Variants in NHSL2 observed in about 807,000 individuals in gnomAD.
NHSL2 encodes the protein NHS-like protein 2.
A neutral mutation model predicts 53.4 loss-of-function variants in NHSL2; 27 were observed. The ratio of observed to expected loss-of-function variants is 0.51; its 90% CI spans 0.37 to 0.70. NHSL2 has a LOEUF of 0.70. NHSL2 is among the 30% of genes least tolerant of loss of function. The pLI is 0.00. For missense variants in NHSL2, 892 were observed against 980.1 expected (o/e 0.91, Z 1.20); for synonymous variants, 408 against 404.1 (o/e 1.01, Z -0.12).
intron 1 of NHSL2, among the ~76,000 whole-genome samples, chrX:72,124,876 TCTTCCTTCCTTC>T (rs747463052): frequency 1.8e-5 from 2 of 111,247 alleles, no homozygotes; most frequent in Non-Finnish European, 3.8e-5. Flanking sequence ...CCTTCTACTG[TCTTCCTTCCTTC>T]CTTCCTTCCT....
intron 1 of NHSL2, among the ~76,000 whole-genome samples, chrX:71,913,844 G>A (rs1176448382): frequency 5.3e-5 from 6 of 112,312 alleles, no homozygotes; most frequent in African/African-American, 1.9e-4. Flanking sequence ...AGGACAGAGA[G>A]AGGAGGAGCG....
intron 1 of NHSL2, among the ~76,000 whole-genome samples, chrX:72,099,169 A>G (rs2041970137): frequency 9.0e-6 from 1 of 111,723 alleles, no homozygotes; most frequent in East Asian, 2.8e-4. Flanking sequence ...TAGAAATATA[A>G]TGTGGGCCAC....
intron 1 of NHSL2, among the ~76,000 whole-genome samples, chrX:72,024,314 C>T (rs939680192): frequency 1.8e-5 from 2 of 111,752 alleles, no homozygotes; most frequent in African/African-American, 6.5e-5. Context: ...ACTGAGGCTA[C>T]AAATGGGGCT....
intron 1 of NHSL2, among the ~76,000 whole-genome samples, chrX:72,009,939 T>C (rs1326102201): frequency 8.9e-6 from 1 of 112,971 alleles, no homozygotes; most frequent in East Asian, 2.8e-4. Context: ...GGTTACCAGT[T>C]GTTACTCATT....
rs1216497981 is a variant in NHSL2 at position 72,098,942 on chromosome X, A to G, written c.281-33137A>G. 2.7e-5 allele frequency among the ~76,000 whole-genome samples: 3 copies of G among 112,199 alleles called. No homozygotes were observed. In the East Asian group the frequency reaches 8.4e-4, roughly 31 times the overall value. Reference sequence around the variant, plus strand: ...AGCATCTGTGTGCTTTTGATACACAAATGAGATCATACAATACATACTGGC... The same window carrying G: ...AGCATCTGTGTGCTTTTGATACACAGATGAGATCATACAATACATACTGGC... On this transcript the variant is annotated intron_variant, in intron 1 of 7. Transcript: ENST00000633930.
chrX:72,059,088 A>G (rs1202642501), intron 1 of NHSL2, among the ~76,000 whole-genome samples: 1 of 110,910 alleles, frequency 9.0e-6, no homozygotes, highest in Non-Finnish European at 1.9e-5. Flanking sequence ...CCCTCTAGAC[A>G]CACAAACTGT....
chrX:72,140,018 A>G lies in NHSL2; in HGVS notation c.2470A>G (p.Thr824Ala). ...CAACCAGCCAATCATGCCTATGGTT[A>G]CTCAGTCCGACCTACGTTCTGTTCG... ...NPNQPIMPMV[T>A]QSDLRSVRLR... The change falls in exon 6 of 8, where the codon ACT (threonine) becomes GCT (alanine). Residue 824 changes from threonine to alanine, a missense_variant. Coordinates refer to ENST00000633930, the MANE Select transcript of NHSL2 (RefSeq NM_001013627.3). The G allele has an allele frequency of 8.3e-7, 1 of 1,209,933 alleles. No individual in the cohort carries two copies. The highest frequency in any genetic ancestry group is 1.1e-6 in the Non-Finnish European group (1 of 894,551).
chrX:72,152,096 C>G lies in NHSL2; in HGVS notation c.*8522C>G, dbSNP rs914166775. On this transcript the variant is annotated 3_prime_UTR_variant, in exon 8 of 8. Coordinates refer to ENST00000633930, the MANE Select transcript of NHSL2 (RefSeq NM_001013627.3). ...ACACAGCCACAAGACATTCAGCACA[C>G]CACCTCCTCCTGTGTTTTGAATCTC... 1 of 112,798 alleles carries G rather than the reference C, an allele frequency of 8.9e-6. No individual in the cohort carries two copies. Among genetic ancestry groups the G allele is most frequent in the Non-Finnish European group, 1.9e-5 (1 of 53,348 alleles). 9.3% of individuals were successfully genotyped at this position (112,798 alleles called of 1,213,427 possible).
chrX:72,045,357 T>G, intron 1 of NHSL2, among the ~76,000 whole-genome samples: 1 of 112,054 alleles, frequency 8.9e-6, no homozygotes, highest in Non-Finnish European at 1.9e-5. Context: ...CCAGCGTGGC[T>G]CCCCAGCTGC....
rs141516240 is a variant in NHSL2, at chrX:71,976,761, A to G, written c.280+65394A>G. On this transcript the variant is annotated intron_variant, in intron 1 of 7. Coordinates refer to ENST00000633930, the MANE Select transcript of NHSL2 (RefSeq NM_001013627.3). ...ATTTGACTCCAGATCTGTCTGACTA[A>G]AGCCTGTTGTCTTTCCACTAGACCG... is the stretch of plus-strand genomic sequence containing the variant. Among the ~76,000 whole-genome samples the G allele has an allele frequency of 5.2e-3, 585 of 112,396 alleles. 4 individuals are homozygous for G. Among genetic ancestry groups the G allele is most frequent in the African/African-American group, 0.018 (562 of 30,958 alleles).
intron 2 of NHSL2, chrX:72,133,518 C>T (rs1424161759): frequency 1.1e-5 from 1 of 94,968 alleles, no homozygotes; most frequent in African/African-American, 3.8e-5. Flanking sequence ...ACTTCTGCCT[C>T]TTTTATGCTG....
intron 1 of NHSL2, among the ~76,000 whole-genome samples, chrX:71,955,664 G>A (rs2041839687): frequency 9.0e-6 from 1 of 110,824 alleles, no homozygotes; most frequent in Non-Finnish European, 1.9e-5. Context: ...CTTTGACCTG[G>A]AAGCTCATCT....
intron 1 of NHSL2, among the ~76,000 whole-genome samples, chrX:71,967,838 A>G (rs770712544): frequency 9.0e-6 from 1 of 110,614 alleles, no homozygotes; most frequent in South Asian, 3.8e-4. Flanking sequence ...CTCTGTGTTC[A>G]TCTGTCTGTC....
intron 4 of NHSL2, among the ~76,000 whole-genome samples, chrX:72,136,344 C>G (rs2042355897): frequency 8.9e-6 from 1 of 112,080 alleles, no homozygotes; most frequent in African/African-American, 3.3e-5. Context: ...AATTTGAAAA[C>G]ATTATCAAGT....
intron 5 of NHSL2, 127 bp downstream of exon 5, chrX:72,137,352 C>T: frequency 3.3e-6 from 2 of 602,095 alleles, no homozygotes; most frequent in Non-Finnish European, 5.0e-6. Context: ...CTCCGGATGT[C>T]CTGAAAAAGC....
intron 1 of NHSL2, among the ~76,000 whole-genome samples, chrX:71,932,261 G>A (rs970786397): frequency 9.1e-6 from 1 of 110,345 alleles, no homozygotes; most frequent in African/African-American, 3.3e-5. Context: ...CAAGAACATC[G>A]TTCTCAAAGG....
intron 6 of NHSL2, 87 bp downstream of exon 6, chrX:72,140,858 C>A: frequency 1.3e-6 from 1 of 794,559 alleles, no homozygotes; most frequent in East Asian, 3.4e-5. Flanking sequence ...GCAGATGCCC[C>A]AGAATAATTA....
At chrX:72,060,646 T>C (rs915594602) in intron 1 of NHSL2, among the ~76,000 whole-genome samples, 1 of 112,232 alleles carries the variant, frequency 8.9e-6, no homozygotes, top group South Asian at 3.6e-4. Context: ...CCTGGTTACC[T>C]AGAAGGGAGC....
At chrX:72,098,621 G>T (rs1409667743) in intron 1 of NHSL2, among the ~76,000 whole-genome samples, 1 of 109,712 alleles carries the variant, frequency 9.1e-6, no homozygotes, top group Non-Finnish European at 1.9e-5. Flanking sequence ...GTTGAAAGGG[G>T]TGTTTACAAG....
Sources: gnomAD v4.1 joint callset for allele counts (sites outside exome capture counted in the v4.1 genomes callset) on GRCh38, gnomAD v4.1.1 for gene constraint, MANE v1.5 for transcripts, NCBI Gene and HGNC (gene_info 2026-07-23, HGNC 2026-07-21) for gene names.